The following FGF19 variants were observed in gnomAD, a reference collection of about 807,000 sequenced individuals.
FGF19 encodes the protein fibroblast growth factor 19.
FGF19 carries 5 observed loss-of-function variants against 8.9 expected under a neutral mutation model. That is an observed-to-expected ratio of 0.56 (90% CI 0.29 to 1.18). The LOEUF (loss-of-function observed/expected upper bound fraction) is 1.18, where lower values mean the gene tolerates loss of function less well. FGF19 is among the 50% of genes most tolerant of loss of function. FGF19 has a pLI of 0.08. For missense variants in FGF19, 237 were observed against 293.9 expected (o/e 0.81, Z 1.42); for synonymous variants, 124 against 128.0 (o/e 0.97, Z 0.21).
At position 69,703,918 on chromosome 11, in the gene FGF19, G is replaced by A. The variant is rs528044141; in HGVS notation, c.-42C>T. 20 of 1,185,420 alleles carry A rather than the reference G, an allele frequency of 1.7e-5. No homozygotes were observed. The East Asian group carries it at 2.5e-4, about 15-fold the overall frequency. 73.4% of individuals were successfully genotyped at this position (1,185,420 alleles called of 1,614,324 possible). On this transcript the variant is annotated 5_prime_UTR_variant, in exon 1 of 3. Transcript: ENST00000294312. This position sits in a 1 kb window ranked among gnomAD's most constrained non-coding sequence, Gnocchi z 6.8. The stretch of plus-strand genomic sequence containing the variant: ...TCTCGGCGCAGCTCCGGCGATGGGG[G>A]TGCGGGAGGCTGGGCGGCGACCGGG...
In FGF19 at chr11:69,699,314, A is replaced by G; in HGVS notation, c.599T>C (p.Phe200Ser). The G allele has an allele frequency of 6.2e-7, 1 of 1,614,146 alleles. No individual in the cohort carries two copies. The highest frequency in any genetic ancestry group is 8.5e-7 in the Non-Finnish European group (1 of 1,180,032). ...SPLETDSMDPFGLVTGLEAVR... is the reference protein window; with the variant it reads ...SPLETDSMDPSGLVTGLEAVR... Reference sequence around the variant, plus strand: ...GGCCTCCAGTCCGGTGACAAGCCCAAATGGGTCCATGCTGTCGGTCTCCAG... The same window carrying G: ...GGCCTCCAGTCCGGTGACAAGCCCAGATGGGTCCATGCTGTCGGTCTCCAG... The change falls in exon 3 of 3, where the codon TTT becomes TCT. Residue 200 changes from phenylalanine to serine, a missense_variant. Phe to Ser is a radical substitution (Grantham distance 155, BLOSUM62 -2). Coordinates refer to ENST00000294312, the MANE Select transcript of FGF19 (RefSeq NM_005117.3).
At position 69,703,377 on chromosome 11, in the gene FGF19, G is replaced by T; in HGVS notation, c.233-13C>A. 6.3e-7 allele frequency: 1 copy of T among 1,589,530 alleles called. No homozygotes were observed. The highest frequency in any genetic ancestry group is 1.1e-5 in the South Asian group (1 of 88,074). On this transcript the variant is annotated splice_polypyrimidine_tract_variant and intron_variant, in intron 1 of 2. Transcript: ENST00000294312. This position sits in a 1 kb window ranked among gnomAD's most constrained non-coding sequence, Gnocchi z 6.8. The stretch of plus-strand genomic sequence containing the variant: ...ATCTCCAGCAAACCTAGGCGCAGGG[G>T]AAGCGAGAAGCTGCAGCAAGGACCG...
Position 69,698,899 on chromosome 11 carries a change from A to G in FGF19, c.*363T>C, listed in dbSNP as rs1477057131. 2 of 258,146 alleles carry G rather than the reference A, an allele frequency of 7.7e-6. No homozygotes were observed. The highest frequency in any genetic ancestry group is 4.4e-5 in the African/African-American group (2 of 45,616). 16.0% of individuals were successfully genotyped at this position (258,146 alleles called of 1,614,324 possible). A position where few individuals can be genotyped will look rare whatever the true frequency, so the allele number is the denominator to read the frequency against. ...TGGCTGCTCCTGGGGAAGTGATGAG[A>G]AAAAATTAGAGAATTTCAGCTTGAC... On this transcript the variant is annotated 3_prime_UTR_variant, in exon 3 of 3. Transcript: ENST00000294312.
chr11:69,699,516 C>T lies in FGF19; in HGVS notation c.397G>A (p.Val133Met). ...AGGCGGTGCTTCTCGGATCGGTACA[C>T]ATTGTAGCCATCTGGGCGGATCTCC... ...EEEIRPDGYNVYRSEKHRLPV... is the reference protein window; with the variant it reads ...EEEIRPDGYNMYRSEKHRLPV... The change falls in exon 3 of 3, where the codon GTG becomes ATG. Residue 133 changes from valine to methionine, a missense_variant. Coordinates refer to ENST00000294312, the MANE Select transcript of FGF19 (RefSeq NM_005117.3). The T allele has an allele frequency of 1.2e-6, 2 of 1,614,170 alleles. No individual in the cohort carries two copies. Among genetic ancestry groups the T allele is most frequent in the South Asian group, 1.1e-5 (1 of 91,088 alleles).
rs1387338024 is a variant in FGF19, at chr11:69,702,746, TA to T, written c.336+514del. 3.3e-5 allele frequency among the ~76,000 whole-genome samples: 5 copies of T among 150,506 alleles called. No homozygotes were observed. Among genetic ancestry groups the T allele is most frequent in the South Asian group, 2.1e-4 (1 of 4,774 alleles). ...CTCCTGGTAGATTAAAAATTAATTCTAAAAAAAAAATCTCTCCTATCCCAAA... is the reference window on the plus strand; with the variant it reads ...CTCCTGGTAGATTAAAAATTAATTCTAAAAAAAAATCTCTCCTATCCCAAA... On this transcript the variant is annotated intron_variant, in intron 2 of 2. Transcript: ENST00000294312. This position sits in a 1 kb window ranked among gnomAD's most constrained non-coding sequence, Gnocchi z 4.6.
chr11:69,699,332 G>A lies in FGF19; in HGVS notation c.581C>T (p.Thr194Ile), dbSNP rs2119905214. The A allele has an allele frequency of 6.2e-7, 1 of 1,614,204 alleles. No individual in the cohort carries two copies. The highest frequency in any genetic ancestry group is 8.5e-7 in the Non-Finnish European group (1 of 1,180,034). ...AAGCCCAAATGGGTCCATGCTGTCGGTCTCCAGGGGCGAAGAGAACATGTC... is the reference window on the plus strand; with the variant it reads ...AAGCCCAAATGGGTCCATGCTGTCGATCTCCAGGGGCGAAGAGAACATGTC... ...ESDMFSSPLE[T>I]DSMDPFGLVT... Residue 194 changes from threonine (T) to isoleucine (I), a missense_variant, in exon 3 of 3, where the codon ACC becomes ATC. Thr to Ile is a moderately conservative substitution (Grantham distance 89, BLOSUM62 -1). Transcript: ENST00000294312.
At chr11:69,701,476 G>A (rs1854770625) in intron 2 of FGF19, among the ~76,000 whole-genome samples, 1 of 151,952 alleles carries the variant, frequency 6.6e-6, no homozygotes, top group Non-Finnish European at 1.5e-5. Context: ...GTGGCACGGT[G>A]CCCGTAATCC....
Position 69,703,655 on chromosome 11 carries a change from C to G in FGF19, c.222G>C (p.Gln74His), listed in dbSNP as rs1396238386. The change falls in exon 1 of 3, where the codon CAG becomes CAC. Residue 74 changes from glutamine to histidine, a missense_variant. Transcript: ENST00000294312. This position sits in a 1 kb window ranked among gnomAD's most constrained non-coding sequence, Gnocchi z 6.8. ...ADGVVDCARG[Q>H]SAHSLLEIKA... ...CTGGCGGGCACTCACTGTGCGCGCT[C>G]TGGCCCCGCGCGCAGTCCACGACGC... The G allele has an allele frequency of 3.2e-6, 4 of 1,232,052 alleles. No individual in the cohort carries two copies. In the African/African-American group the frequency reaches 6.2e-5, roughly 19 times the overall value. 76.3% of individuals were successfully genotyped at this position (1,232,052 alleles called of 1,614,324 possible). A position where few individuals can be genotyped will look rare whatever the true frequency, so the allele number is the denominator to read the frequency against.
At chr11:69,701,291 A>G (rs1180899262) in intron 2 of FGF19, among the ~76,000 whole-genome samples, 1 of 152,226 alleles carries the variant, frequency 6.6e-6, no homozygotes, top group Non-Finnish European at 1.5e-5. Flanking sequence ...AAGTTTCTAG[A>G]AGAATGTGGC....
chr11:69,700,474 C>T (rs1490265726), intron 2 of FGF19, among the ~76,000 whole-genome samples: 1 of 152,194 alleles, frequency 6.6e-6, no homozygotes, highest in Non-Finnish European at 1.5e-5. Flanking sequence ...ACAGACATAA[C>T]TCCTGGCATT....
In FGF19 at chr11:69,698,756, C is replaced by T; in HGVS notation, c.*506G>A. Reference sequence around the variant, plus strand: ...CTGGCCTGGAGGGATTTGGGAAGGGCAAATGGTCCCTGGAAGTAGAGATAT... The same window carrying T: ...CTGGCCTGGAGGGATTTGGGAAGGGTAAATGGTCCCTGGAAGTAGAGATAT... On this transcript the variant is annotated 3_prime_UTR_variant, in exon 3 of 3. Coordinates refer to ENST00000294312, the MANE Select transcript of FGF19 (RefSeq NM_005117.3). 4.9e-6 allele frequency: 1 copy of T among 205,730 alleles called. No homozygotes were observed. Among genetic ancestry groups the T allele is most frequent in the Non-Finnish European group, 1.0e-5 (1 of 100,012 alleles). 12.7% of individuals were successfully genotyped at this position (205,730 alleles called of 1,614,324 possible).
Position 69,699,572 on chromosome 11 carries a change from T to C in FGF19, c.341A>G (p.Gln114Arg), listed in dbSNP as rs1285095326. 7 of 1,605,924 alleles carry C rather than the reference T, an allele frequency of 4.4e-6. No homozygotes were observed. Among genetic ancestry groups the C allele is most frequent in the Non-Finnish European group, 6.0e-6 (7 of 1,175,290 alleles). ...GADGKMQGLL[Q>R]YSEEDCAFEE... ...GAAAGCACAGTCTTCCTCCGAGTAC[T>C]GAAGCTGCAGAGAAAACAGGCAGCT... The change falls in exon 3 of 3, where the codon CAG becomes CGG. Residue 114 changes from glutamine to arginine, a missense_variant. Coordinates refer to ENST00000294312, the MANE Select transcript of FGF19 (RefSeq NM_005117.3).
rs990188219 is a variant in FGF19 at position 69,699,327 on chromosome 11, T to A, written c.586A>T (p.Ser196Cys). The change falls in exon 3 of 3, where the codon AGC becomes TGC. Residue 196 changes from serine to cysteine, a missense_variant. Ser to Cys is a moderately radical substitution (Grantham distance 112). Transcript: ENST00000294312. ...DMFSSPLETDSMDPFGLVTGL... is the reference protein window; with the variant it reads ...DMFSSPLETDCMDPFGLVTGL... ...GTGACAAGCCCAAATGGGTCCATGC[T>A]GTCGGTCTCCAGGGGCGAAGAGAAC... 2 of 1,614,084 alleles carry A rather than the reference T, an allele frequency of 1.2e-6. No individual in the cohort carries two copies. The highest frequency in any genetic ancestry group is 2.7e-5 in the African/African-American group (2 of 74,936).
chr11:69,701,237 A>T (rs1010788825), intron 2 of FGF19, among the ~76,000 whole-genome samples: 1 of 152,214 alleles, frequency 6.6e-6, no homozygotes, highest in African/African-American at 2.4e-5. Context: ...GTCCTTTGGG[A>T]GAAATTAGTA....
chr11:69,701,388 T>A (rs1028319364), intron 2 of FGF19, among the ~76,000 whole-genome samples: 1 of 151,796 alleles, frequency 6.6e-6, no homozygotes, highest in East Asian at 1.9e-4. Context: ...GATCGTGATG[T>A]CAGGAGTTCG....
Position 69,703,760 on chromosome 11 carries a change from G to T in FGF19, c.117C>A (p.Gly39=), listed in dbSNP as rs767954150. 3 of 1,233,788 alleles carry T rather than the reference G, an allele frequency of 2.4e-6. No individual in the cohort carries two copies. Among genetic ancestry groups the T allele is most frequent in the Non-Finnish European group, 3.0e-6 (3 of 988,718 alleles). The allele number at this position is 1,233,788 out of a possible 1,614,324, so 76.4% of individuals were successfully genotyped here. A position where few individuals can be genotyped will look rare whatever the true frequency, so the allele number is the denominator to read the frequency against. ...DAGPHVHYGW[G]DPIRLRHLYT... is the part of the protein sequence containing the mutation. ...ACAGGTGCCGCAGGCGGATGGGGTCGCCCCAGCCGTAGTGCACGTGGGGCC... is the reference window on the plus strand; with the variant it reads ...ACAGGTGCCGCAGGCGGATGGGGTCTCCCCAGCCGTAGTGCACGTGGGGCC... The change falls in exon 1 of 3, where the codon GGC becomes GGA. Residue 39 remains glycine, a synonymous_variant. Coordinates refer to ENST00000294312, the MANE Select transcript of FGF19 (RefSeq NM_005117.3). The surrounding 1 kb of genome is among the most constrained non-coding windows in gnomAD (Gnocchi z 6.8).
chr11:69,702,220 A>G lies in FGF19; in HGVS notation c.336+1041T>C, dbSNP rs1249531787. Among the ~76,000 whole-genome samples, 1 of 152,156 alleles carries G rather than the reference A, an allele frequency of 6.6e-6. No homozygotes were observed. Among genetic ancestry groups the G allele is most frequent in the Non-Finnish European group, 1.5e-5 (1 of 68,022 alleles). On this transcript the variant is annotated intron_variant, in intron 2 of 2. Coordinates refer to ENST00000294312, the MANE Select transcript of FGF19 (RefSeq NM_005117.3). This position sits in a 1 kb window ranked among gnomAD's most constrained non-coding sequence, Gnocchi z 4.6. ...CAGTCCTCTCACGCAGGACTCCGCC[A>G]TAAAACCTGAAACAGGCGCTCCGAG...
intron 2 of FGF19, among the ~76,000 whole-genome samples, chr11:69,700,202 T>TG (rs1565087188): frequency 7.2e-5 from 11 of 152,072 alleles, no homozygotes; most frequent in African/African-American, 2.7e-4. Flanking sequence ...TGTTAATATA[T>TG]AACCCATTAA....
In FGF19 at chr11:69,699,149, T is replaced by A. The variant is rs1854738507; in HGVS notation, c.*113A>T. 1.4e-6 allele frequency: 1 copy of A among 738,916 alleles called. No individual in the cohort carries two copies. The highest frequency in any genetic ancestry group is 2.2e-6 in the Non-Finnish European group (1 of 459,782). The allele number at this position is 738,916 out of a possible 1,614,324, so 45.8% of individuals were successfully genotyped here. On this transcript the variant is annotated 3_prime_UTR_variant, in exon 3 of 3. Transcript: ENST00000294312. ...AATATGTACAACTTCTAGATGTTTC[T>A]TCCTAAAGCTAAACAGAACGTGGAC...
Sources: gnomAD v4.1 joint callset for allele counts (sites outside exome capture counted in the v4.1 genomes callset) on GRCh38, gnomAD v4.1.1 for gene constraint, Gnocchi (gnomAD v3.1) non-coding constraint, MANE v1.5 for transcripts, NCBI Gene and HGNC (gene_info 2026-07-23, HGNC 2026-07-21) for gene names.